CPT1C: variants seen among roughly 807,000 people sequenced by gnomAD.
The protein encoded by CPT1C is palmitoyl thioesterase CPT1C.
A neutral mutation model predicts 97.3 loss-of-function variants in CPT1C; 61 were observed. The ratio of observed to expected loss-of-function variants is 0.63; its 90% CI spans 0.51 to 0.78. CPT1C has a LOEUF of 0.78. CPT1C is among the 30% of genes least tolerant of loss of function. The pLI, the probability that CPT1C is intolerant of heterozygous loss-of-function variation, is 0.00. For missense variants in CPT1C, 975 were observed against 1,065.5 expected, an observed-to-expected ratio of 0.92 and a Z score of 1.18; for synonymous variants, 469 against 447.2, an observed-to-expected ratio of 1.05 and a Z score of -0.61.
intron 5 of CPT1C, among the ~76,000 whole-genome samples, chr19:49,701,066 T>TC (rs2083008374): frequency 2.3e-5 from 1 of 43,084 alleles, no homozygotes. Context: ...TGTGTCTCCG[T>TC]CCCCCCCTCT....
rs2082864054 is a variant in CPT1C at position 49,699,441 on chromosome 19, T to TAG, written c.282-1239_282-1238dup. 7.2e-5 allele frequency among the ~76,000 whole-genome samples: 6 copies of TAG among 82,944 alleles called. No individual in the cohort carries two copies. In the South Asian group the frequency reaches 2.8e-3, roughly 39 times the overall value. The allele number at this position is 82,944 out of a possible 152,430, so 54.4% of individuals were successfully genotyped here. On this transcript the variant is annotated intron_variant, in intron 4 of 19. Coordinates refer to ENST00000598293, the MANE Select transcript of CPT1C (RefSeq NM_001199753.2). ...GAGTTGGAGACCAGCCTGGGCAACA[T>TAG]AGAGACCCCTGTCTCTAAAAAAAAA...
At position 49,710,412 on chromosome 19, in the gene CPT1C, G is replaced by C. The variant is rs1215935174; in HGVS notation, c.1659G>C (p.Lys553Asn). 1.2e-6 allele frequency: 2 copies of C among 1,614,044 alleles called. No individual in the cohort carries two copies. The highest frequency in any genetic ancestry group is 1.3e-5 in the African/African-American group (1 of 74,926). Residue 553 changes from lysine to asparagine, a missense_variant, in exon 15 of 20, where the codon AAG (lysine) becomes AAC (asparagine). Around this residue, in one of 3 missense-constraint regions of CPT1C, gnomAD observed 344 missense variants for 395.7 expected, o/e 0.87. Transcript: ENST00000598293. Reference protein sequence around the residue: ...CHVVPFSLFGKSFIRRCHLSS... With the variant: ...CHVVPFSLFGNSFIRRCHLSS... ...TCGTTCCATTCTCCCTATTTGGCAA[G>C]AGCTTCATCCGACGCTGCCACCTCT... is the stretch of plus-strand genomic sequence containing the variant.
intron 3 of CPT1C, among the ~76,000 whole-genome samples, chr19:49,694,289 ATGAT>A (rs1205281861): frequency 6.6e-6 from 1 of 152,018 alleles, no homozygotes; most frequent in Non-Finnish European, 1.5e-5. Flanking sequence ...GCTATGGTGA[ATGAT>A]AAATCGGGTA....
At chr19:49,694,226 A>C (rs986130605) in intron 3 of CPT1C, among the ~76,000 whole-genome samples, 2 of 152,132 alleles carry the variant, frequency 1.3e-5, no homozygotes, top group African/African-American at 4.8e-5. Context: ...GATGAGCAAA[A>C]TATAGGGTAT....
chr19:49,692,343 A>C lies in CPT1C; in HGVS notation c.91A>C (p.Ile31Leu), dbSNP rs1456453789. Residue 31 changes from isoleucine (I) to leucine (L), a missense_variant, in exon 3 of 20, where the codon ATC becomes CTC. Around this residue, in one of 3 missense-constraint regions of CPT1C, gnomAD observed 596 missense variants for 603.1 expected, o/e 0.99. Transcript: ENST00000598293. ...VELSAPVLQE[I>L]YLSGLRSWKR... ...ACTCAGTGCCCCTGTGCTGCAGGAG[A>C]TCTACCTCTCTGGCCTGCGCTCCTG... 1 of 1,613,894 alleles carries C rather than the reference A, an allele frequency of 6.2e-7. No individual in the cohort carries two copies. Among genetic ancestry groups the C allele is most frequent in the Admixed American group, 1.7e-5 (1 of 59,978 alleles).
chr19:49,712,748 C>A lies in CPT1C; in HGVS notation c.2032C>A (p.Gln678Lys), dbSNP rs772548153. Residue 678 changes from glutamine to lysine, a missense_variant, in exon 18 of 20, where the codon CAG becomes AAG. Coordinates refer to ENST00000598293, the MANE Select transcript of CPT1C (RefSeq NM_001199753.2). ...CTCCTGTCCTCAGGTCCATTCGGAGCAGTGGCAGCTGTCCACCAGCCAGAT... is the reference window on the plus strand; with the variant it reads ...CTCCTGTCCTCAGGTCCATTCGGAGAAGTGGCAGCTGTCCACCAGCCAGAT... ...SPFLTQVHSEQWQLSTSQIPV... is the reference protein window; with the variant it reads ...SPFLTQVHSEKWQLSTSQIPV... 1 of 1,613,100 alleles carries A rather than the reference C, an allele frequency of 6.2e-7. No individual in the cohort carries two copies. The highest frequency in any genetic ancestry group is 2.2e-5 in the East Asian group (1 of 44,876).
At chr19:49,699,457 T>TAAAAAAAAAAAAAAAAAAA (rs71180647) in intron 4 of CPT1C, among the ~76,000 whole-genome samples, 2 of 35,252 alleles carry the variant, frequency 5.7e-5, no homozygotes, top group African/African-American at 1.7e-4. Flanking sequence ...CCCCTGTCTC[T>TAAAAAAAAAAAAAAAAAAA]AAAAAAAAAA....
At chr19:49,709,426 T>C (rs376466580) in intron 14 of CPT1C, among the ~76,000 whole-genome samples, 4 of 150,748 alleles carry the variant, frequency 2.7e-5, no homozygotes, top group African/African-American at 9.8e-5. Flanking sequence ...TCACTTCCCA[T>C]ACCCAACCCC....
rs772362061 is a variant in CPT1C at position 49,705,288 on chromosome 19, G to C, written c.954G>C (p.Gly318=). ...EKIFNTTRIP[G]VQKDYIRHLH... ...TCTTCAACACCACGCGGATTCCAGG[G>C]GTCCAAAAAGGTGAGACCCTCTCCT... Residue 318 remains glycine (G), a synonymous_variant, in exon 10 of 20, where the codon GGG becomes GGC. Coordinates refer to ENST00000598293, the MANE Select transcript of CPT1C (RefSeq NM_001199753.2). 1.9e-6 allele frequency: 3 copies of C among 1,595,058 alleles called. No individual in the cohort carries two copies. The highest frequency in any genetic ancestry group is 2.6e-6 in the Non-Finnish European group (3 of 1,167,070).
At chr19:49,703,480 C>T (rs996604718) in intron 7 of CPT1C, among the ~76,000 whole-genome samples, 15 of 151,066 alleles carry the variant, frequency 9.9e-5, no homozygotes, top group Non-Finnish European at 2.1e-4. Flanking sequence ...GATTTACAGG[C>T]GTGAGCCACC....
chr19:49,700,836 C>T lies in CPT1C; in HGVS notation c.434C>T (p.Ser145Phe). 6.2e-7 allele frequency: 1 copy of T among 1,612,816 alleles called. No homozygotes were observed. Among genetic ancestry groups the T allele is most frequent in the Non-Finnish European group, 8.5e-7 (1 of 1,180,010 alleles). Reference protein sequence around the residue: ...WLLEPHGAMSSPTKTWLALVR... With the variant: ...WLLEPHGAMSFPTKTWLALVR... ...CTTGAGCCCCACGGAGCCATGTCCT[C>T]CCCCACCAAGACCTGGCTGGTATGG... Residue 145 changes from serine (S) to phenylalanine (F), a missense_variant, in exon 5 of 20, where the codon TCC (serine) becomes TTC (phenylalanine). Physicochemically the swap from Ser to Phe is radical, Grantham distance 155. Coordinates refer to ENST00000598293, the MANE Select transcript of CPT1C (RefSeq NM_001199753.2).
chr19:49,713,393 C>T (rs1276015264), intron 19 of CPT1C, 27 bp from the exon 20 acceptor site: 4 of 1,584,820 alleles, frequency 2.5e-6, no homozygotes, highest in Non-Finnish European at 1.7e-6. Flanking sequence ...CCCAGCTTCC[C>T]CTGGCTCTGA....
intron 8 of CPT1C, 110 bp downstream of exon 8, chr19:49,704,897 G>T: frequency 1.4e-6 from 2 of 1,400,716 alleles, no homozygotes; most frequent in Non-Finnish European, 2.0e-6. Flanking sequence ...CGCCATCTGG[G>T]ATTCATCATT....
intron 4 of CPT1C, chr19:49,697,723 C>G (rs2082747404): frequency 2.9e-6 from 1 of 349,626 alleles, no homozygotes; most frequent in Non-Finnish European, 5.2e-6. Flanking sequence ...ACCAGCCTGG[C>G]CAACATGGTG....
chr19:49,690,886 C>T (rs750994858), upstream of CPT1C: 14 of 171,098 alleles, frequency 8.2e-5, no homozygotes, highest in Non-Finnish European at 1.7e-4. The surrounding 1 kb of genome is among the most constrained non-coding windows in gnomAD (Gnocchi z 4.4). Context: ...GAGCCTTGTT[C>T]CTCGAAGAGA....
Position 49,707,635 on chromosome 19 carries a change from A to G in CPT1C, c.1449+12A>G. The G allele has an allele frequency of 1.9e-6, 3 of 1,576,196 alleles. No homozygotes were observed. The highest frequency in any genetic ancestry group is 2.3e-5 in the East Asian group (1 of 44,290). ...GACACATGTGGGAGGTAGGGCGGCC[A>G]GCCCTCCCTGGTTCTGGGGACCCCT... On this transcript the variant is annotated intron_variant, in intron 13 of 19. Transcript: ENST00000598293.
intron 17 of CPT1C, 26 bp from the exon 18 acceptor site, chr19:49,712,710 C>T (rs779067325): frequency 1.9e-6 from 3 of 1,544,512 alleles, no homozygotes; most frequent in Admixed American, 1.7e-5. Flanking sequence ...CTCTGTCCTG[C>T]ACATGTGATG....
intron 17 of CPT1C, chr19:49,712,505 T>C: frequency 1.8e-6 from 1 of 556,682 alleles, no homozygotes; most frequent in South Asian, 2.0e-5. Flanking sequence ...AAGGGCGTGG[T>C]CAGAGGAGGG....
At chr19:49,702,611 C>T (rs1372667891) in intron 7 of CPT1C, among the ~76,000 whole-genome samples, 2 of 146,068 alleles carry the variant, frequency 1.4e-5, no homozygotes, top group African/African-American at 2.5e-5. Context: ...CAGAGCAAGA[C>T]TCTGTCTCAA....
Sources: gnomAD v4.1 joint callset for allele counts (sites outside exome capture counted in the v4.1 genomes callset) on GRCh38, gnomAD v4.1.1 for gene constraint, gnomAD v4.1.1 regional missense constraint, Gnocchi (gnomAD v3.1) non-coding constraint, MANE v1.5 for transcripts, NCBI Gene and HGNC (gene_info 2026-07-23, HGNC 2026-07-21) for gene names.